ADARB2: variants seen among roughly 807,000 people sequenced by gnomAD.
ADARB2 encodes the protein adenosine deaminase RNA specific B2 (inactive).
Under a neutral mutation model 62.2 loss-of-function variants are expected in ADARB2, and 25 were observed. The ratio of observed to expected loss-of-function variants is 0.40; its 90% CI spans 0.29 to 0.56. The LOEUF (loss-of-function observed/expected upper bound fraction) is 0.56, where lower values mean the gene tolerates loss of function less well. Ranked by LOEUF, ADARB2 falls within the 20% of genes least tolerant of loss-of-function variation. ADARB2 has a pLI of 0.43. For synonymous variants in ADARB2, 572 were observed against 500.8 expected (o/e 1.14, Z -1.90); for missense variants, 1,071 against 1,077.4 (o/e 0.99, Z 0.08).
intron 1 of ADARB2, among the ~76,000 whole-genome samples, chr10:1,706,639 T>C (rs2119146974): frequency 6.6e-6 from 1 of 152,228 alleles, no homozygotes; most frequent in East Asian, 1.9e-4. Context: ...GGCCTGGCGC[T>C]GGACTAGAAT....
Position 1,184,988 on chromosome 10 carries a change from A to G in ADARB2, c.1916T>C (p.Met639Thr). The G allele has an allele frequency of 1.2e-6, 2 of 1,613,654 alleles. No individual in the cohort carries two copies. The highest frequency in any genetic ancestry group is 1.7e-4 in the Middle Eastern group (1 of 5,988). The change falls in exon 9 of 10, where the codon ATG becomes ACG. Residue 639 changes from methionine (M) to threonine (T), a missense_variant. Met to Thr is a moderately conservative substitution (Grantham distance 81). Coordinates refer to ENST00000381312, the MANE Select transcript of ADARB2 (RefSeq NM_018702.4). The part of the protein sequence containing the change: ...RQPGKSPPFS[M>T]NWVVGSADLE... Reference sequence around the variant, plus strand: ...GTCCGCGCTGCCCACGACCCAGTTCATGCTGAAGGGGGGCGACTTCCCCGG... The same window carrying G: ...GTCCGCGCTGCCCACGACCCAGTTCGTGCTGAAGGGGGGCGACTTCCCCGG...
chr10:1,658,332 T>C (rs1234185178), intron 1 of ADARB2, among the ~76,000 whole-genome samples: 1 of 152,044 alleles, frequency 6.6e-6, no homozygotes, highest in African/African-American at 2.4e-5. Context: ...TGTCTCTCTC[T>C]GTCTCTATCT....
intron 6 of ADARB2, among the ~76,000 whole-genome samples, chr10:1,223,451 A>G (rs1210129664): frequency 1.3e-5 from 2 of 152,130 alleles, no homozygotes; most frequent in African/African-American, 4.8e-5. Flanking sequence ...TTCCAACACT[A>G]TGTTGAATAG....
rs916592708 is a variant in ADARB2 at position 1,363,204 on chromosome 10, G to A, written c.901C>T (p.Arg301Trp). 3 of 1,476,072 alleles carry A rather than the reference G, an allele frequency of 2.0e-6. No individual in the cohort carries two copies. The highest frequency in any genetic ancestry group is 1.3e-5 in the South Asian group (1 of 76,576). 91.4% of individuals were successfully genotyped at this position (1,476,072 alleles called of 1,614,324 possible). A position where few individuals can be genotyped will look rare whatever the true frequency, so the allele number is the denominator to read the frequency against. Residue 301 changes from arginine (R) to tryptophan (W), a missense_variant, in exon 3 of 10, where the codon CGG becomes TGG. Arg to Trp is a moderately radical substitution (Grantham distance 101, BLOSUM62 -3). Coordinates refer to ENST00000381312, the MANE Select transcript of ADARB2 (RefSeq NM_018702.4). The stretch of plus-strand genomic sequence containing the variant: ...GCCATCACGAAGCTCCGCGCGCGCC[G>A]CTCGGCCGGTTCTGCCAGACACACG... ...RYVCLAEPAE[R>W]RARSFVMAVS...
chr10:1,472,548 T>C (rs1831338678), intron 1 of ADARB2, among the ~76,000 whole-genome samples: 2 of 152,114 alleles, frequency 1.3e-5, no homozygotes, highest in Non-Finnish European at 2.9e-5. Context: ...GGAGGTATGC[T>C]GGGAGAAGGA....
At chr10:1,580,872 C>T (rs1266634228) in intron 1 of ADARB2, among the ~76,000 whole-genome samples, 1 of 152,218 alleles carries the variant, frequency 6.6e-6, no homozygotes, top group Non-Finnish European at 1.5e-5. Context: ...TAGCAACGTG[C>T]ACTTAAGATT....
intron 1 of ADARB2, among the ~76,000 whole-genome samples, chr10:1,550,860 G>C (rs1044478368): frequency 7.6e-6 from 1 of 131,680 alleles, no homozygotes; most frequent in African/African-American, 2.6e-5. Context: ...TTCCCAGGCC[G>C]CCGTGCGAGC....
Position 1,398,453 on chromosome 10 carries a change from G to A in ADARB2, c.101-19293C>T, listed in dbSNP as rs974980993. ...GGTTTCTTCCTTGGTCCTCCCACTC[G>A]CTCCTGTTTTTCAGGGCCCCTCCTC... On this transcript the variant is annotated intron_variant, in intron 1 of 9. Coordinates refer to ENST00000381312, the MANE Select transcript of ADARB2 (RefSeq NM_018702.4). The surrounding 1 kb of genome is among the most constrained non-coding windows in gnomAD (Gnocchi z 4.1). 3.9e-5 allele frequency among the ~76,000 whole-genome samples: 6 copies of A among 152,060 alleles called. No individual in the cohort carries two copies. The highest frequency in any genetic ancestry group is 1.4e-4 in the African/African-American group (6 of 41,410).
intron 1 of ADARB2, among the ~76,000 whole-genome samples, chr10:1,463,046 G>A (rs1202469453): frequency 6.6e-6 from 1 of 152,180 alleles, no homozygotes; most frequent in Admixed American, 6.5e-5. Context: ...TGGGGCAGGT[G>A]GGATGTGTGT....
rs1413811269 is a variant in ADARB2 at position 1,541,706 on chromosome 10, G to A, written c.101-162546C>T. 3.6e-5 allele frequency among the ~76,000 whole-genome samples: 2 copies of A among 55,524 alleles called. 1 individual carries two copies. Among genetic ancestry groups the A allele is most frequent in the Non-Finnish European group, 6.8e-5 (2 of 29,466 alleles). 36.4% of individuals were successfully genotyped at this position (55,524 alleles called of 152,430 possible). A position where few individuals can be genotyped will look rare whatever the true frequency, so the allele number is the denominator to read the frequency against. ...CAGACGCAGTTCAGACCCTGGATCC[G>A]TCCAGACCCCACTCAGACGTAGTTC... On this transcript the variant is annotated intron_variant, in intron 1 of 9. Coordinates refer to ENST00000381312, the MANE Select transcript of ADARB2 (RefSeq NM_018702.4).
At chr10:1,327,249 A>G (rs1831870824) in intron 3 of ADARB2, among the ~76,000 whole-genome samples, 1 of 90,858 alleles carries the variant, frequency 1.1e-5, no homozygotes, top group African/African-American at 4.1e-5. Context: ...GCACCTCCTC[A>G]CTGCCCAGCG....
chr10:1,493,234 T>G (rs1035305882), intron 1 of ADARB2, among the ~76,000 whole-genome samples: 2 of 152,200 alleles, frequency 1.3e-5, no homozygotes, highest in Non-Finnish European at 2.9e-5. Flanking sequence ...TTTTTGCTAT[T>G]GGATAATGGA....
rs540666124 is a variant in ADARB2, at chr10:1,394,052, A to G, written c.101-14892T>C. Among the ~76,000 whole-genome samples, 6 of 152,318 alleles carry G rather than the reference A, an allele frequency of 3.9e-5. 1 individual carries two copies. In the South Asian group the frequency reaches 1.2e-3, roughly 32 times the overall value. On this transcript the variant is annotated intron_variant, in intron 1 of 9. Transcript: ENST00000381312. ...TCTGCCTTAGGGTGTAATCATTAAT[A>G]GCACTTGCTCCACTCACTCGTCCCA...
At chr10:1,675,575 C>T (rs1220132464) in intron 1 of ADARB2, among the ~76,000 whole-genome samples, 1 of 133,354 alleles carries the variant, frequency 7.5e-6, no homozygotes, top group Non-Finnish European at 1.6e-5. Flanking sequence ...GGTTTGGGTT[C>T]AGGGATGCAC....
At chr10:1,575,779 G>T (rs1039970212) in intron 1 of ADARB2, among the ~76,000 whole-genome samples, 1 of 152,164 alleles carries the variant, frequency 6.6e-6, no homozygotes, top group Non-Finnish European at 1.5e-5. Context: ...AGAGCCTGGC[G>T]GTTTGGCTCT....
intron 1 of ADARB2, 109 bp downstream of exon 1, chr10:1,736,942 C>T: frequency 8.6e-7 from 1 of 1,157,996 alleles, no homozygotes; most frequent in South Asian, 1.4e-5. Flanking sequence ...CGCCAGCACC[C>T]CAAAGTGAAG....
intron 3 of ADARB2, among the ~76,000 whole-genome samples, chr10:1,285,568 G>T (rs953047860): frequency 6.6e-6 from 1 of 152,110 alleles, no homozygotes; most frequent in Non-Finnish European, 1.5e-5. Context: ...CAGCTCCAGG[G>T]TTAAGTGGGG....
At chr10:1,243,354 G>A (rs1046891774) in intron 4 of ADARB2, among the ~76,000 whole-genome samples, 10 of 152,226 alleles carry the variant, frequency 6.6e-5, no homozygotes, top group African/African-American at 2.4e-4. Context: ...TGGAAGAGGT[G>A]ACACACAAAT....
intron 1 of ADARB2, among the ~76,000 whole-genome samples, chr10:1,520,913 A>G (rs1832066283): frequency 6.6e-6 from 1 of 152,174 alleles, no homozygotes; most frequent in Non-Finnish European, 1.5e-5. Flanking sequence ...GACCTTTTTC[A>G]TTTCTGAGAA....
Sources: allele counts gnomAD v4.1 joint callset (sites outside exome capture counted in the v4.1 genomes callset), GRCh38; gene constraint gnomAD v4.1.1; non-coding constraint Gnocchi (gnomAD v3.1); transcripts MANE v1.5; gene names NCBI Gene and HGNC (gene_info 2026-07-23, HGNC 2026-07-21).